Variants in RASEF observed in about 807,000 individuals in gnomAD.
The protein encoded by RASEF is RAS and EF-hand domain containing, also known as ras and EF-hand domain-containing protein.
A neutral mutation model predicts 90.1 loss-of-function variants in RASEF; 68 were observed. That is an observed-to-expected ratio of 0.75 (90% CI 0.62 to 0.92). The LOEUF is 0.92. RASEF is among the 40% of genes least tolerant of loss of function. RASEF has a pLI of 0.00. For synonymous variants in RASEF, 331 were observed against 345.2 expected, an observed-to-expected ratio of 0.96 and a Z score of 0.46; for missense variants, 949 against 937.2, an observed-to-expected ratio of 1.01 and a Z score of -0.16.
the RASEF span, among the ~76,000 whole-genome samples, chr9:83,137,694 G>C: frequency 6.6e-6 from 1 of 151,950 alleles, no homozygotes; most frequent in Non-Finnish European, 1.5e-5. Context: ...CGCATGAAAA[G>C]GTTATTTAGG....
the RASEF span, among the ~76,000 whole-genome samples, chr9:83,105,764 G>A: frequency 6.6e-6 from 1 of 152,154 alleles, no homozygotes; most frequent in Non-Finnish European, 1.5e-5. Context: ...ATGCCAAGTG[G>A]GCATAATGCT....
chr9:83,085,343 G>C, the RASEF span, among the ~76,000 whole-genome samples: 1 of 152,190 alleles, frequency 6.6e-6, no homozygotes, highest in African/African-American at 2.4e-5. Context: ...TTATAAAAAA[G>C]ATGTTGCTGG....
intron 1 of RASEF, chr9:83,048,404 A>G (rs1564088544): frequency 1.0e-6 from 1 of 985,230 alleles, no homozygotes; most frequent in Non-Finnish European, 1.2e-6. Flanking sequence ...GATTCTTGCT[A>G]CTTTATATCC....
At chr9:83,106,029 A>G in the RASEF span, among the ~76,000 whole-genome samples, 1 of 152,180 alleles carries the variant, frequency 6.6e-6, no homozygotes, top group Admixed American at 6.5e-5. Context: ...TTCATCAGGA[A>G]TACCCAAAAT....
chr9:83,009,513 TC>T, intron 6 of RASEF, 127 bp downstream of exon 6: 1 of 509,690 alleles, frequency 2.0e-6, no homozygotes, highest in Non-Finnish European at 3.5e-6. Context: ...GAAAATAAAA[TC>T]ATTAGAAAGT....
chr9:82,995,241 C>T lies in RASEF; in HGVS notation c.1920+1771G>A, dbSNP rs1386805244. Among the ~76,000 whole-genome samples the T allele has an allele frequency of 2.6e-5, 4 of 152,124 alleles. No individual in the cohort carries two copies. In the East Asian group the frequency reaches 7.7e-4, roughly 29 times the overall value. On this transcript the variant is annotated intron_variant, in intron 14 of 16. Coordinates refer to ENST00000376447, the MANE Select transcript of RASEF (RefSeq NM_152573.4). Reference sequence around the variant, plus strand: ...ACTGTGGCTGATCTTGCCTTTTGTGCCTCCTTTTCTTGAGCATAACCCAAA... The same window carrying T: ...ACTGTGGCTGATCTTGCCTTTTGTGTCTCCTTTTCTTGAGCATAACCCAAA...
At chr9:83,091,999 A>ATTTTTTTTTTTTTTTTTTTTTTTTTTTTT in the RASEF span, among the ~76,000 whole-genome samples, 1 of 17,240 alleles carries the variant, frequency 5.8e-5, no homozygotes, top group African/African-American at 2.4e-4. Context: ...TTTTTCTTTT[A>ATTTTTTTTTTTTTTTTTTTTTTTTTTTTT]TTTCTTTTTT....
Position 83,062,526 on chromosome 9 carries a change from C to T in RASEF, c.342G>A (p.Ala114=). ...TCGCCGGGCCGCACGAGGTGGCCAG[C>T]GCCGCCGCCGCGTCCTCGTCGCCTT... ...EDEGDEDAAA[A]LATSCGPASP... The change falls in exon 1 of 17, where the codon GCG becomes GCA. Residue 114 remains alanine (A), a synonymous_variant. Transcript: ENST00000376447. 1.2e-6 allele frequency: 2 copies of T among 1,607,750 alleles called. No individual in the cohort carries two copies. Among genetic ancestry groups the T allele is most frequent in the Admixed American group, 1.7e-5 (1 of 59,656 alleles).
At chr9:83,045,769 G>A (rs1829917360) in intron 1 of RASEF, among the ~76,000 whole-genome samples, 2 of 152,174 alleles carry the variant, frequency 1.3e-5, no homozygotes, top group Admixed American at 1.3e-4. Flanking sequence ...AATGAAGTAT[G>A]CTAAAGCAGA....
the RASEF span, among the ~76,000 whole-genome samples, chr9:83,174,448 T>G: frequency 6.6e-6 from 1 of 152,276 alleles, no homozygotes; most frequent in Non-Finnish European, 1.5e-5. Context: ...AAGCATCAAC[T>G]AATATAAATA....
chr9:83,197,982 G>T, the RASEF span, among the ~76,000 whole-genome samples: 38 of 152,288 alleles, frequency 2.5e-4, no homozygotes, highest in African/African-American at 8.9e-4. Context: ...ACTTATCAGA[G>T]AGAATCATCT....
chr9:83,002,634 C>T (rs1360619714), intron 9 of RASEF, among the ~76,000 whole-genome samples: 2 of 151,898 alleles, frequency 1.3e-5, no homozygotes, highest in Non-Finnish European at 1.5e-5. Context: ...ATCTATAAAG[C>T]ACATAAGAAA....
At chr9:83,073,770 A>G in the RASEF span, among the ~76,000 whole-genome samples, 1 of 152,282 alleles carries the variant, frequency 6.6e-6, no homozygotes, top group Non-Finnish European at 1.5e-5. Flanking sequence ...AAAGGAAAGT[A>G]GATTACAATA....
intron 2 of RASEF, among the ~76,000 whole-genome samples, chr9:83,024,717 G>T (rs955871935): frequency 8.5e-5 from 13 of 152,162 alleles, no homozygotes; most frequent in Non-Finnish European, 1.8e-4. Flanking sequence ...CGATAAGAAA[G>T]GTCCTATTTC....
chr9:83,048,184 G>C, intron 1 of RASEF: 1 of 985,410 alleles, frequency 1.0e-6, no homozygotes, highest in Non-Finnish European at 1.2e-6. Context: ...AGTGTAGTAA[G>C]AGCGGAAGGA....
chr9:83,007,633 T>C, intron 6 of RASEF, 128 bp from the exon 7 acceptor site: 1 of 699,286 alleles, frequency 1.4e-6, no homozygotes. Flanking sequence ...TTTCTATCTT[T>C]CCCGTGCTCC....
the RASEF span, among the ~76,000 whole-genome samples, chr9:83,115,882 G>C: frequency 6.7e-6 from 1 of 149,580 alleles, no homozygotes; most frequent in African/African-American, 2.5e-5. Context: ...TTGCTAAATT[G>C]CTAAAAAAAA....
the RASEF span, among the ~76,000 whole-genome samples, chr9:83,154,503 C>G: frequency 6.6e-6 from 1 of 152,146 alleles, no homozygotes; most frequent in African/African-American, 2.4e-5. Context: ...TGAGAAAACT[C>G]ACAGCTGGGC....
At chr9:83,128,031 T>TA in the RASEF span, among the ~76,000 whole-genome samples, 2 of 150,278 alleles carry the variant, frequency 1.3e-5, no homozygotes, top group African/African-American at 2.5e-5. Context: ...TTTTCTTTTT[T>TA]TTTTTTTTTG....
Sources: allele counts gnomAD v4.1 joint callset (sites outside exome capture counted in the v4.1 genomes callset), GRCh38; gene constraint gnomAD v4.1.1; transcripts MANE v1.5; gene names NCBI Gene and HGNC (gene_info 2026-07-23, HGNC 2026-07-21).